The following ARHGAP19 variants were observed in gnomAD, a reference collection of about 807,000 sequenced individuals.
The protein encoded by ARHGAP19 is Rho GTPase activating protein 19.
ARHGAP19 carries 48 observed loss-of-function variants against 60.9 expected under a neutral mutation model. The ratio of observed to expected loss-of-function variants is 0.79; its 90% confidence interval spans 0.62 to 1.00. ARHGAP19 has a LOEUF of 1.00. ARHGAP19 is among the 50% of genes least tolerant of loss of function. The probability of loss-of-function intolerance (pLI) is 0.00; values close to 1 mark genes in which losing one functional copy is unlikely to be tolerated. For missense variants in ARHGAP19, 562 were observed against 597.2 expected, an observed-to-expected ratio of 0.94 and a Z score of 0.61; for synonymous variants, 209 against 215.5, an observed-to-expected ratio of 0.97 and a Z score of 0.27.
intron 9 of ARHGAP19, among the ~76,000 whole-genome samples, chr10:97,230,865 A>G (rs529508275): frequency 6.6e-6 from 1 of 152,246 alleles, no homozygotes; most frequent in East Asian, 1.9e-4. Context: ...CAGGAGTTTG[A>G]GACCAGCCTG....
intron 1 of ARHGAP19, among the ~76,000 whole-genome samples, chr10:97,286,210 C>A (rs778025070): frequency 1.3e-5 from 2 of 152,230 alleles, no homozygotes; most frequent in African/African-American, 4.8e-5. Flanking sequence ...ACAGACAAGT[C>A]TTCCTGGGAT....
chr10:97,248,340 GGA>G (rs969805553), intron 6 of ARHGAP19, among the ~76,000 whole-genome samples: 4 of 152,038 alleles, frequency 2.6e-5, no homozygotes, highest in African/African-American at 9.7e-5. Context: ...ACTGGTCCCA[GGA>G]GGCAGAGGCT....
chr10:97,231,976 G>A (rs937891886), intron 9 of ARHGAP19, among the ~76,000 whole-genome samples: 7 of 130,038 alleles, frequency 5.4e-5, no homozygotes, highest in Non-Finnish European at 9.7e-5. Context: ...GTTATTTTCC[G>A]TTGTTTTTTT....
chr10:97,288,809 CTTTTTTTTTT>C (rs750951743), intron 1 of ARHGAP19, among the ~76,000 whole-genome samples: 1 of 120,004 alleles, frequency 8.3e-6, no homozygotes, highest in African/African-American at 3.5e-5. Flanking sequence ...AACTTCTCTC[CTTTTTTTTTT>C]TTTTTTTTTT....
At chr10:97,261,546 C>G in intron 4 of ARHGAP19, among the ~76,000 whole-genome samples, 1 of 152,018 alleles carries the variant, frequency 6.6e-6, no homozygotes. Context: ...AAAGGTCTAA[C>G]ATCTTTATTT....
At chr10:97,270,778 A>G in intron 1 of ARHGAP19, 3 of 974,410 alleles carry the variant, frequency 3.1e-6, no homozygotes, top group Non-Finnish European at 4.4e-6. Flanking sequence ...GAAAGGCAGT[A>G]CTTAGGACTC....
intron 1 of ARHGAP19, among the ~76,000 whole-genome samples, chr10:97,279,154 A>C (rs1308406184): frequency 6.6e-6 from 1 of 152,158 alleles, no homozygotes; most frequent in Non-Finnish European, 1.5e-5. Context: ...TATGTATCAA[A>C]TTTAAGCCAG....
At position 97,246,651 on chromosome 10, in the gene ARHGAP19, A is replaced by G. The variant is rs111451600; in HGVS notation, c.928-314T>C. Among the ~76,000 whole-genome samples, 423 of 152,318 alleles carry G rather than the reference A, an allele frequency of 2.8e-3. 2 individuals carry two copies. The highest frequency in any genetic ancestry group is 8.9e-3 in the African/African-American group (372 of 41,586). On this transcript the variant is annotated intron_variant, in intron 6 of 11. Transcript: ENST00000358531. ...GACATTTGTAGGAATGTTTCTATCT[A>G]ACAAAAACCACCCCCTCAAATCCTT...
chr10:97,244,145 G>A lies in ARHGAP19; in HGVS notation c.1008C>T (p.Leu336=), dbSNP rs753822221. 1 of 1,610,836 alleles carries A rather than the reference G, an allele frequency of 6.2e-7. No homozygotes were observed. The highest frequency in any genetic ancestry group is 8.5e-7 in the Non-Finnish European group (1 of 1,178,836). ...RTQASKDDLD[L]IASCHTKSFQ... ...AGGACTTAGTATGACATGAAGCTAT[G>A]AGGTCAAGGTCATCCTAAGGAAAAT... Residue 336 remains leucine (L), a synonymous_variant, in exon 8 of 12, where the codon CTC becomes CTT. Coordinates refer to ENST00000358531, the MANE Select transcript of ARHGAP19 (RefSeq NM_032900.6).
At chr10:97,252,947 T>G (rs1043692793) in intron 6 of ARHGAP19, among the ~76,000 whole-genome samples, 2 of 152,144 alleles carry the variant, frequency 1.3e-5, no homozygotes, top group Non-Finnish European at 2.9e-5. Context: ...GTGGCGTATA[T>G]ACACAATGGA....
At position 97,292,549 on chromosome 10, in the gene ARHGAP19, A is replaced by C. The variant is rs1462678368; in HGVS notation, c.56+23T>G. 1.9e-6 allele frequency: 3 copies of C among 1,614,132 alleles called. No homozygotes were observed. In the South Asian group the frequency reaches 3.3e-5, roughly 18 times the overall value. On this transcript the variant is annotated intron_variant, in intron 1 of 11. Transcript: ENST00000358531. Reference sequence around the variant, plus strand: ...CCAGCCCAAGGCCGCGTTTCCCAGGAAACTGGACCAAACTCAGCTCACCTC... The same window carrying C: ...CCAGCCCAAGGCCGCGTTTCCCAGGCAACTGGACCAAACTCAGCTCACCTC...
chr10:97,279,368 T>C (rs1413442942), intron 1 of ARHGAP19, among the ~76,000 whole-genome samples: 1 of 152,214 alleles, frequency 6.6e-6, no homozygotes, highest in Non-Finnish European at 1.5e-5. Flanking sequence ...TGCAATGTTT[T>C]ATAGTATGGA....
intron 3 of ARHGAP19, among the ~76,000 whole-genome samples, chr10:97,263,987 C>T (rs1427594326): frequency 6.6e-6 from 1 of 152,104 alleles, no homozygotes; most frequent in Non-Finnish European, 1.5e-5. Context: ...CTTGTTTATC[C>T]CAGACTTCGT....
At chr10:97,263,368 T>C (rs896969801) in intron 4 of ARHGAP19, 52 bp downstream of exon 4, 2 of 1,560,174 alleles carry the variant, frequency 1.3e-6, no homozygotes, top group African/African-American at 2.7e-5. Context: ...CTAGGAACTT[T>C]ACTAAATTGA....
At position 97,222,868 on chromosome 10, in the gene ARHGAP19, G is replaced by A. The variant is rs966456061; in HGVS notation, c.*3254C>T. 6.6e-6 allele frequency: 1 copy of A among 152,192 alleles called. No individual in the cohort carries two copies. The highest frequency in any genetic ancestry group is 1.5e-5 in the Non-Finnish European group (1 of 68,046). The allele number at this position is 152,192 out of a possible 1,614,324, so 9.4% of individuals were successfully genotyped here. ...CTGTGTGAGGCCTTGTAGGAAAGGA[G>A]ACAGAGTCTAGAGACATCTATTCCT... On this transcript the variant is annotated 3_prime_UTR_variant, in exon 12 of 12. Transcript: ENST00000358531.
chr10:97,286,350 G>C (rs1843154567), intron 1 of ARHGAP19, among the ~76,000 whole-genome samples: 1 of 152,234 alleles, frequency 6.6e-6, no homozygotes, highest in Non-Finnish European at 1.5e-5. Flanking sequence ...CCAACACTTT[G>C]GGAGGCCAAG....
At chr10:97,280,914 G>A (rs1427996946) in intron 1 of ARHGAP19, among the ~76,000 whole-genome samples, 3 of 152,120 alleles carry the variant, frequency 2.0e-5, no homozygotes, top group Non-Finnish European at 4.4e-5. Flanking sequence ...ATGAGTCTCA[G>A]GCAATTAAAA....
intron 4 of ARHGAP19, among the ~76,000 whole-genome samples, chr10:97,260,387 C>T (rs1391339016): frequency 6.6e-6 from 1 of 151,358 alleles, no homozygotes; most frequent in Non-Finnish European, 1.5e-5. Flanking sequence ...AAAATTTGCC[C>T]AGCATGGTGG....
intron 1 of ARHGAP19, 88 bp from the exon 2 acceptor site, chr10:97,266,213 C>A (rs1211626656): frequency 3.4e-6 from 5 of 1,481,674 alleles, no homozygotes; most frequent in Non-Finnish European, 3.7e-6. Context: ...CCTGACTCCA[C>A]GCAAAGGCAG....
Sources: gnomAD v4.1 joint callset for allele counts (sites outside exome capture counted in the v4.1 genomes callset) on GRCh38, gnomAD v4.1.1 for gene constraint, MANE v1.5 for transcripts, NCBI Gene and HGNC (gene_info 2026-07-23, HGNC 2026-07-21) for gene names.